Variants in MITF observed in about 807,000 individuals in gnomAD.
The protein encoded by MITF is microphthalmia-associated transcription factor.
MITF carries 17 observed loss-of-function variants against 60.5 expected under a neutral mutation model. The ratio of observed to expected loss-of-function variants is 0.28; its 90% CI spans 0.19 to 0.42. The LOEUF is 0.42. Among genes scored for constraint, MITF ranks in the 10% least tolerant of loss-of-function variants. MITF has a pLI of 1.00. For missense variants in MITF, 622 were observed against 683.5 expected (o/e 0.91, Z 1.00); for synonymous variants, 260 against 248.5 (o/e 1.05, Z -0.43).
intron 1 of MITF, among the ~76,000 whole-genome samples, chr3:69,842,872 T>TTTTG (rs148695260): frequency 6.6e-6 from 1 of 152,122 alleles, no homozygotes; most frequent in South Asian, 2.1e-4. Context: ...GTAAACTTTA[T>TTTTG]TTTGTTTGTT....
intron 1 of MITF, among the ~76,000 whole-genome samples, chr3:69,770,316 A>G (rs1015833966): frequency 1.3e-5 from 2 of 152,140 alleles, no homozygotes; most frequent in African/African-American, 4.8e-5. Context: ...TGACACATTA[A>G]TGGGTATGCA....
At chr3:69,867,944 C>A (rs938231947) in intron 1 of MITF, among the ~76,000 whole-genome samples, 5 of 152,178 alleles carry the variant, frequency 3.3e-5, no homozygotes, top group Admixed American at 3.3e-4. Context: ...TGCCCATTAA[C>A]TTTTCTGTGC....
At chr3:69,958,421 G>C (rs969127133) in intron 8 of MITF, among the ~76,000 whole-genome samples, 1 of 152,158 alleles carries the variant, frequency 6.6e-6, no homozygotes, top group East Asian at 1.9e-4. Context: ...TCTTATGGGA[G>C]AACTTCTGTG....
intron 6 of MITF, among the ~76,000 whole-genome samples, chr3:69,950,897 C>T (rs1212779828): frequency 6.6e-6 from 1 of 151,960 alleles, no homozygotes; most frequent in African/African-American, 2.4e-5. Flanking sequence ...ATAGAGCTTT[C>T]CAATTGCAGT....
intron 7 of MITF, among the ~76,000 whole-genome samples, chr3:69,953,317 A>G (rs2066302910): frequency 6.6e-6 from 1 of 152,140 alleles, no homozygotes; most frequent in Non-Finnish European, 1.5e-5. Flanking sequence ...GTCAAAAACA[A>G]TAGATACCTG....
chr3:69,742,518 A>G (rs928667905), intron 1 of MITF, among the ~76,000 whole-genome samples: 1 of 151,524 alleles, frequency 6.6e-6, no homozygotes, highest in Non-Finnish European at 1.5e-5. Flanking sequence ...CCTGCCTCCT[A>G]CCTCCCTCTG....
chr3:69,895,102 C>CAG (rs1173346029), intron 2 of MITF, among the ~76,000 whole-genome samples: 1 of 152,132 alleles, frequency 6.6e-6, no homozygotes, highest in African/African-American at 2.4e-5. Flanking sequence ...CCTGGAGAAT[C>CAG]GCCCACCTAC....
chr3:69,837,931 G>A (rs1237746255), intron 1 of MITF, among the ~76,000 whole-genome samples: 1 of 152,182 alleles, frequency 6.6e-6, no homozygotes, highest in African/African-American at 2.4e-5. Context: ...GTATGCATGT[G>A]TGTATTTGTG....
intron 1 of MITF, among the ~76,000 whole-genome samples, chr3:69,869,265 A>G (rs2064176942): frequency 6.6e-6 from 1 of 152,214 alleles, no homozygotes; most frequent in Non-Finnish European, 1.5e-5. Flanking sequence ...CTCCTGGAGC[A>G]GATTGGACCA....
intron 1 of MITF, among the ~76,000 whole-genome samples, chr3:69,826,018 CA>C (rs1374856506): frequency 1.3e-5 from 2 of 152,124 alleles, no homozygotes; most frequent in Non-Finnish European, 2.9e-5. Context: ...ATGTCTTGTG[CA>C]GGTGCATCTT....
chr3:69,811,171 G>A (rs2063094827), intron 1 of MITF, among the ~76,000 whole-genome samples: 2 of 152,112 alleles, frequency 1.3e-5, no homozygotes, highest in Non-Finnish European at 2.9e-5. Flanking sequence ...GTGGGCACTG[G>A]TATTTGTTTT....
chr3:69,908,355 T>TA (rs202050730), intron 2 of MITF, among the ~76,000 whole-genome samples: 283 of 148,204 alleles, frequency 1.9e-3, no homozygotes, highest in African/African-American at 5.7e-3. Flanking sequence ...GCAAAAACAA[T>TA]AAAAAAAAAA....
chr3:69,934,642 A>G (rs936779510), intron 2 of MITF, among the ~76,000 whole-genome samples: 10 of 152,180 alleles, frequency 6.6e-5, no homozygotes, highest in African/African-American at 2.4e-4. Flanking sequence ...AGTTGCAAAG[A>G]TAGAATCTGA....
intron 1 of MITF, among the ~76,000 whole-genome samples, chr3:69,864,128 C>T (rs2064067798): frequency 6.6e-6 from 1 of 152,152 alleles, no homozygotes; most frequent in Admixed American, 6.5e-5. Context: ...TCAGTTCTAA[C>T]AATAACCTAT....
chr3:69,866,481 G>A, intron 1 of MITF: 1 of 941,948 alleles, frequency 1.1e-6, no homozygotes, highest in South Asian at 1.6e-5. Flanking sequence ...ACTTCTCACT[G>A]GCTTTAATCA....
intron 1 of MITF, among the ~76,000 whole-genome samples, chr3:69,870,023 ACT>A (rs1426528098): frequency 6.6e-6 from 1 of 151,508 alleles, no homozygotes; most frequent in Non-Finnish European, 1.5e-5. Flanking sequence ...GTCTTAGAAG[ACT>A]CTTGAGGATC....
chr3:69,937,594 A>G (rs972850256), intron 2 of MITF, among the ~76,000 whole-genome samples: 4 of 152,222 alleles, frequency 2.6e-5, no homozygotes, highest in African/African-American at 9.6e-5. Context: ...CGTATAGTTA[A>G]TTAGCAGGGA....
chr3:69,951,662 TA>T (rs1559744958), intron 6 of MITF, 149 bp from the exon 7 acceptor site: 3 of 647,854 alleles, frequency 4.6e-6, no homozygotes, highest in Non-Finnish European at 8.4e-6. Context: ...GCAAGCTTTT[TA>T]AAAAGATATC....
chr3:69,931,058 CT>C (rs554022648), intron 2 of MITF, among the ~76,000 whole-genome samples: 188 of 152,308 alleles, frequency 1.2e-3, no homozygotes, highest in African/African-American at 4.3e-3. Flanking sequence ...GATTATCCCC[CT>C]ATCTTTTTTA....
Sources: gnomAD v4.1 joint callset for allele counts (sites outside exome capture counted in the v4.1 genomes callset) on GRCh38, gnomAD v4.1.1 for gene constraint, MANE v1.5 for transcripts, NCBI Gene and HGNC (gene_info 2026-07-23, HGNC 2026-07-21) for gene names.